The following RAB10 variants were observed in gnomAD, a reference collection of about 807,000 sequenced individuals.
The protein encoded by RAB10 is RAB10, member RAS oncogene family.
A neutral mutation model predicts 25.7 loss-of-function variants in RAB10; 5 were observed. The observed-to-expected ratio is 0.19, with a 90% CI of 0.10 to 0.41. The LOEUF is 0.41. Among genes scored for constraint, RAB10 ranks in the 10% least tolerant of loss-of-function variants. The pLI, the probability that RAB10 is intolerant of heterozygous loss-of-function variation, is 1.00. For missense variants in RAB10, 103 were observed against 245.8 expected, an observed-to-expected ratio of 0.42 and a Z score of 3.89; for synonymous variants, 89 against 86.4, an observed-to-expected ratio of 1.03 and a Z score of -0.16.
intron 1 of RAB10, among the ~76,000 whole-genome samples, chr2:26,037,289 G>A (rs1235862316): frequency 6.6e-6 from 1 of 152,152 alleles, no homozygotes; most frequent in African/African-American, 2.4e-5. Flanking sequence ...GTTTCCACAG[G>A]TTACTAGCTG....
At chr2:26,122,666 G>C (rs2149288200) in intron 3 of RAB10, among the ~76,000 whole-genome samples, 1 of 152,028 alleles carries the variant, frequency 6.6e-6, no homozygotes, top group Non-Finnish European at 1.5e-5. Context: ...TGTAGACTAT[G>C]ATATTCAAGA....
At chr2:26,098,783 A>C in intron 2 of RAB10, 61 bp downstream of exon 2, 1 of 1,381,100 alleles carries the variant, frequency 7.2e-7, no homozygotes. Context: ...TTTCACAGTG[A>C]AATTCTTTTT....
intron 3 of RAB10, among the ~76,000 whole-genome samples, chr2:26,125,669 C>G (rs1486747658): frequency 6.6e-6 from 1 of 151,872 alleles, no homozygotes; most frequent in Non-Finnish European, 1.5e-5. Context: ...AGGCTAGTCT[C>G]GAACTCCTGG....
chr2:26,113,230 C>G (rs1172766127), intron 3 of RAB10, among the ~76,000 whole-genome samples: 2 of 151,490 alleles, frequency 1.3e-5, no homozygotes, highest in Non-Finnish European at 2.9e-5. Flanking sequence ...ATACAGTTAT[C>G]TCAGTTCACA....
intron 2 of RAB10, among the ~76,000 whole-genome samples, chr2:26,099,455 C>G (rs1156780120): frequency 1.3e-5 from 2 of 151,866 alleles, no homozygotes; most frequent in African/African-American, 4.8e-5. Flanking sequence ...TTTGTAATCC[C>G]TTCTTCCCTG....
chr2:26,101,377 A>T lies in RAB10; in HGVS notation c.188+2655A>T, dbSNP rs1012826548. The T allele has an allele frequency of 4.6e-5, 7 of 152,324 alleles. No homozygotes were observed. In the East Asian group the frequency reaches 7.7e-4, roughly 17 times the overall value. 9.4% of individuals were successfully genotyped at this position (152,324 alleles called of 1,614,324 possible). On this transcript the variant is annotated intron_variant, in intron 2 of 5. Coordinates refer to ENST00000264710, the MANE Select transcript of RAB10 (RefSeq NM_016131.5). ...TCATGGAGACTCCGGTATGGGTCTT[A>T]CAAGATGGTCAGTGAATTCCTGATA...
rs537122956 is a variant in RAB10 at position 26,081,268 on chromosome 2, C to T, written c.128-17394C>T. Among the ~76,000 whole-genome samples, 11 of 152,222 alleles carry T rather than the reference C, an allele frequency of 7.2e-5. No homozygotes were observed. In the East Asian group the frequency reaches 7.7e-4, roughly 11 times the overall value. On this transcript the variant is annotated intron_variant, in intron 1 of 5. Coordinates refer to ENST00000264710, the MANE Select transcript of RAB10 (RefSeq NM_016131.5). ...GCCTTGGGTATGTCTTTCTCAGCAG[C>T]GTGAAAATGGAGTAATAGATCTGTT...
At chr2:26,033,730 G>C (rs1469384406), upstream of RAB10, among the ~76,000 whole-genome samples, 2 of 152,236 alleles carry the variant, frequency 1.3e-5, no homozygotes, top group African/African-American at 4.8e-5. Flanking sequence ...GAGACCCCGG[G>C]AGGGGAAGGA....
chr2:26,133,737 G>A (rs1668053219), intron 5 of RAB10, among the ~76,000 whole-genome samples: 1 of 151,930 alleles, frequency 6.6e-6, no homozygotes. Context: ...GCTGTGGCGG[G>A]ATCTTGACTC....
intron 1 of RAB10, among the ~76,000 whole-genome samples, chr2:26,044,086 T>TA (rs1665945386): frequency 6.6e-6 from 1 of 152,316 alleles, no homozygotes; most frequent in African/African-American, 2.4e-5. Context: ...AATGGTGTGA[T>TA]ACACTTAACA....
chr2:26,103,278 A>G (rs1157469106), intron 2 of RAB10, among the ~76,000 whole-genome samples: 1 of 152,236 alleles, frequency 6.6e-6, no homozygotes, highest in Non-Finnish European at 1.5e-5. Flanking sequence ...ATATGTGAAC[A>G]TGCTAAGTGC....
At chr2:26,115,882 CG>C (rs1667678499) in intron 3 of RAB10, among the ~76,000 whole-genome samples, 2 of 131,372 alleles carry the variant, frequency 1.5e-5, no homozygotes, top group African/African-American at 5.7e-5. Flanking sequence ...TTTTTTGAGA[CG>C]GAGTTTTGCT....
chr2:26,103,272 G>A (rs1388540179), intron 2 of RAB10, among the ~76,000 whole-genome samples: 1 of 152,224 alleles, frequency 6.6e-6, no homozygotes, highest in Non-Finnish European at 1.5e-5. Flanking sequence ...TGGCAGATAT[G>A]TGAACATGCT....
At chr2:26,083,575 T>C (rs1476778842) in intron 1 of RAB10, among the ~76,000 whole-genome samples, 1 of 152,094 alleles carries the variant, frequency 6.6e-6, no homozygotes, top group East Asian at 1.9e-4. Flanking sequence ...GCAATTCTTA[T>C]GCCACAGCCT....
At chr2:26,061,092 C>CTTTCT (rs1666384870) in intron 1 of RAB10, among the ~76,000 whole-genome samples, 1 of 83,634 alleles carries the variant, frequency 1.2e-5, no homozygotes, top group Non-Finnish European at 2.2e-5. Context: ...TTATCTCTGT[C>CTTTCT]TTTTTTTTTT....
chr2:26,083,290 G>T (rs552381182), intron 1 of RAB10, among the ~76,000 whole-genome samples: 1 of 152,172 alleles, frequency 6.6e-6, no homozygotes, highest in South Asian at 2.1e-4. Context: ...CACAAAAAAA[G>T]AGCAACTAGA....
chr2:26,105,883 C>T (rs542854214), intron 2 of RAB10, among the ~76,000 whole-genome samples: 1 of 152,264 alleles, frequency 6.6e-6, no homozygotes, highest in Admixed American at 6.5e-5. Flanking sequence ...ACATACTCTA[C>T]AGGTTTGTAG....
At chr2:26,052,283 G>A (rs886907862) in intron 1 of RAB10, among the ~76,000 whole-genome samples, 1 of 152,012 alleles carries the variant, frequency 6.6e-6, no homozygotes, top group South Asian at 2.1e-4. Flanking sequence ...CTACTTGGGA[G>A]GCAGATGTAG....
chr2:26,075,443 G>A (rs1319616339), intron 1 of RAB10, among the ~76,000 whole-genome samples: 1 of 152,086 alleles, frequency 6.6e-6, no homozygotes, highest in East Asian at 1.9e-4. Context: ...TTTGACTGGA[G>A]GGGTCTTGAA....
Sources: allele counts gnomAD v4.1 joint callset (sites outside exome capture counted in the v4.1 genomes callset), GRCh38; gene constraint gnomAD v4.1.1; transcripts MANE v1.5; gene names NCBI Gene and HGNC (gene_info 2026-07-23, HGNC 2026-07-21).